The following TRIML2 variants were observed in gnomAD, a reference collection of about 807,000 sequenced individuals.
The protein encoded by TRIML2 is probable E3 ubiquitin-protein ligase TRIML2.
Under a neutral mutation model 31.2 loss-of-function variants are expected in TRIML2, and 28 were observed. The observed-to-expected ratio is 0.90, with a 90% CI of 0.66 to 1.23. The LOEUF (loss-of-function observed/expected upper bound fraction) is 1.23, where lower values mean the gene tolerates loss of function less well. Ranked by LOEUF, TRIML2 falls within the 50% of genes most tolerant of loss-of-function variation. The pLI is 0.00. For synonymous variants in TRIML2, 187 were observed against 197.5 expected, an observed-to-expected ratio of 0.95 and a Z score of 0.45; for missense variants, 536 against 528.3, an observed-to-expected ratio of 1.01 and a Z score of -0.14.
At chr4:188,101,382 T>C in intron 3 of TRIML2, 132 bp from the exon 4 acceptor site, 1 of 489,316 alleles carries the variant, frequency 2.0e-6, no homozygotes, top group Non-Finnish European at 3.4e-6. Context: ...ATGTATTCTT[T>C]CCATCTCTAA....
chr4:188,108,622 C>G (rs1468006746), intron 1 of TRIML2, among the ~76,000 whole-genome samples: 1 of 152,136 alleles, frequency 6.6e-6, no homozygotes, highest in Non-Finnish European at 1.5e-5. Context: ...TCTGATCTCT[C>G]TATAGCTTTC....
At chr4:188,096,804 A>G (rs12507498) in intron 7 of TRIML2, among the ~76,000 whole-genome samples, 13,341 of 151,664 alleles carry the variant, frequency 0.088, 1,129 homozygotes, top group East Asian at 0.51. Flanking sequence ...CTACAGGCAC[A>G]CGCCACCACA....
intron 6 of TRIML2, 56 bp downstream of exon 6, chr4:188,097,268 T>A (rs1733559617): frequency 1.2e-6 from 2 of 1,606,714 alleles, no homozygotes; most frequent in Admixed American, 1.7e-5. Flanking sequence ...CCTATCTCAA[T>A]CAACATCTTA....
rs1032778514 is a variant in TRIML2, at chr4:188,091,552, C to T, written c.1135G>A (p.Gly379Arg). The change falls in exon 8 of 8, where the codon GGG (glycine) becomes AGG (arginine). Residue 379 changes from glycine to arginine, a missense_variant. Transcript: ENST00000682553. Reference sequence around the variant, plus strand: ...GTCACATTGTAGAATGATATCTGCCCGTGTTCGCAGTCAAGGAAAACGCCA... The same window carrying T: ...GTCACATTGTAGAATGATATCTGCCTGTGTTCGCAGTCAAGGAAAACGCCA... ...TVGVFLDCEHGQISFYNVTEM... is the reference protein window; with the variant it reads ...TVGVFLDCEHRQISFYNVTEM... The T allele has an allele frequency of 8.7e-6, 14 of 1,614,136 alleles. No individual in the cohort carries two copies. Among genetic ancestry groups the T allele is most frequent in the Admixed American group, 1.7e-5 (1 of 59,998 alleles).
intron 3 of TRIML2, among the ~76,000 whole-genome samples, chr4:188,103,899 G>A (rs1484293153): frequency 6.6e-6 from 1 of 151,940 alleles, no homozygotes; most frequent in African/African-American, 2.4e-5. Context: ...TACCTAGCCA[G>A]GCAATTCTCC....
chr4:188,093,080 C>T (rs1733340278), intron 7 of TRIML2: 2 of 348,720 alleles, frequency 5.7e-6, no homozygotes, highest in Non-Finnish European at 1.1e-5. Context: ...CAAAATGGAA[C>T]TTCAACGCCA....
At chr4:188,100,600 T>C (rs1401904624) in intron 4 of TRIML2, among the ~76,000 whole-genome samples, 2 of 152,060 alleles carry the variant, frequency 1.3e-5, no homozygotes, top group Non-Finnish European at 2.9e-5. Context: ...CGGGCACCTG[T>C]AATCCCAGCT....
intron 4 of TRIML2, 79 bp downstream of exon 4, chr4:188,100,977 T>C: frequency 7.4e-7 from 1 of 1,342,746 alleles, no homozygotes; most frequent in Non-Finnish European, 1.0e-6. Flanking sequence ...ACTGGCTATG[T>C]TATTTTGGAA....
At position 188,097,178 on chromosome 4, in the gene TRIML2, G is replaced by A. The variant is rs1173080036; in HGVS notation, c.645-17C>T. 2 of 1,611,510 alleles carry A rather than the reference G, an allele frequency of 1.2e-6. No homozygotes were observed. The highest frequency in any genetic ancestry group is 1.7e-6 in the Non-Finnish European group (2 of 1,177,618). ...GACTTGCTCCTGAAGAGAAAGGACA[G>A]CCTCAGTCATCTGCACAGACCACAG... On this transcript the variant is annotated splice_polypyrimidine_tract_variant and intron_variant, in intron 6 of 7. Coordinates refer to ENST00000682553, the MANE Select transcript of TRIML2 (RefSeq NM_173553.4).
rs1733602807 is a variant in TRIML2 at position 188,098,085 on chromosome 4, G to GCA, written c.622-740_622-739insTG. ...TACAGTGAGCCGAAATTGCGCCACT[G>GCA]CTCCAGCCTGGGAGATAGAGCGAGA... On this transcript the variant is annotated intron_variant, in intron 5 of 7. Coordinates refer to ENST00000682553, the MANE Select transcript of TRIML2 (RefSeq NM_173553.4). 4.0e-5 allele frequency: 10 copies of GCA among 247,798 alleles called. 1 individual carries two copies. Among genetic ancestry groups the GCA allele is most frequent in the South Asian group, 2.4e-4 (7 of 28,620 alleles). 15.3% of individuals were successfully genotyped at this position (247,798 alleles called of 1,614,324 possible). A position where few individuals can be genotyped will look rare whatever the true frequency, so the allele number is the denominator to read the frequency against.
chr4:188,105,042 G>A, intron 2 of TRIML2, 110 bp from the exon 3 acceptor site: 1 of 1,410,614 alleles, frequency 7.1e-7, no homozygotes, highest in Non-Finnish European at 9.9e-7. Context: ...CCTTTAGGTT[G>A]AAGGTTCAAC....
At chr4:188,100,647 G>A (rs1269019540) in intron 4 of TRIML2, among the ~76,000 whole-genome samples, 4 of 152,022 alleles carry the variant, frequency 2.6e-5, no homozygotes, top group South Asian at 2.1e-4. Flanking sequence ...GCGTGAACCC[G>A]GGAGGCGAAG....
chr4:188,099,214 A>G (rs1293000753), intron 4 of TRIML2, 39 bp from the exon 5 acceptor site: 1 of 1,554,394 alleles, frequency 6.4e-7, no homozygotes, highest in Admixed American at 2.1e-5. Context: ...AACAACCTCA[A>G]GTTCAGGAAC....
intron 1 of TRIML2, among the ~76,000 whole-genome samples, chr4:188,107,309 G>T (rs1734082364): frequency 6.6e-6 from 1 of 152,170 alleles, no homozygotes; most frequent in Admixed American, 6.5e-5. Context: ...ACCGTGCCTG[G>T]CTTGTTTTTA....
Position 188,097,121 on chromosome 4 carries a change from T to C in TRIML2, c.685A>G (p.Ile229Val). 2 of 1,614,144 alleles carry C rather than the reference T, an allele frequency of 1.2e-6. No individual in the cohort carries two copies. The highest frequency in any genetic ancestry group is 1.7e-6 in the Non-Finnish European group (2 of 1,180,012). ...ATGTGGCATAAACTCAGGTCTGTGA[T>C]ATGAGCGGGCTCCAGATGCTCAAGC... ...LLLEHLEPAH[I>V]TDLSLCHIRG... is the part of the protein sequence containing the mutation. Residue 229 changes from isoleucine to valine, a missense_variant, in exon 7 of 8, where the codon ATC (isoleucine) becomes GTC (valine). Ile to Val is a conservative substitution (Grantham distance 29, BLOSUM62 3). Coordinates refer to ENST00000682553, the MANE Select transcript of TRIML2 (RefSeq NM_173553.4).
intron 7 of TRIML2, among the ~76,000 whole-genome samples, chr4:188,096,662 A>G (rs1445117307): frequency 1.4e-5 from 2 of 141,460 alleles, no homozygotes; most frequent in African/African-American, 5.3e-5. Flanking sequence ...TAAAATTTTT[A>G]TTTATTTATT....
chr4:188,101,534 A>C (rs542394393), intron 3 of TRIML2, among the ~76,000 whole-genome samples: 2 of 151,538 alleles, frequency 1.3e-5, no homozygotes, highest in Non-Finnish European at 2.9e-5. Context: ...TCTCTACTAA[A>C]AATACAAAAA....
intron 5 of TRIML2, 84 bp downstream of exon 5, chr4:188,098,951 G>C: frequency 6.8e-7 from 1 of 1,475,632 alleles, no homozygotes; most frequent in Non-Finnish European, 9.2e-7. Flanking sequence ...ATTGTGTTCT[G>C]ACAGCAACCC....
At position 188,101,084 on chromosome 4, in the gene TRIML2, A is replaced by G. The variant is rs1379481381; in HGVS notation, c.452T>C (p.Leu151Pro). 3.1e-6 allele frequency: 5 copies of G among 1,613,242 alleles called. No homozygotes were observed. Among genetic ancestry groups the G allele is most frequent in the African/African-American group, 1.3e-5 (1 of 74,830 alleles). ...LNQAIKLATE[L>P]EEMFQEMLQR... Reference sequence around the variant, plus strand: ...TAGCATTTCCTGGAACATCTCCTCTAGCTCGGTGGCAAGCTTGATCGCTTG... The same window carrying G: ...TAGCATTTCCTGGAACATCTCCTCTGGCTCGGTGGCAAGCTTGATCGCTTG... The change falls in exon 4 of 8, where the codon CTA (leucine) becomes CCA (proline). Residue 151 changes from leucine to proline, a missense_variant. Physicochemically the swap from Leu to Pro is moderately conservative, Grantham distance 98. Transcript: ENST00000682553.
Sources: allele counts gnomAD v4.1 joint callset (sites outside exome capture counted in the v4.1 genomes callset), GRCh38; gene constraint gnomAD v4.1.1; transcripts MANE v1.5; gene names NCBI Gene and HGNC (gene_info 2026-07-23, HGNC 2026-07-21).